Variants in SUGCT observed in about 807,000 individuals in gnomAD.
The protein encoded by SUGCT is succinyl-CoA:glutarate CoA-transferase.
Under a neutral mutation model 55.0 loss-of-function variants are expected in SUGCT, and 41 were observed. The observed-to-expected ratio is 0.74, with a 90% CI of 0.58 to 0.97. The LOEUF is 0.97. Among genes scored for constraint, SUGCT ranks in the 50% least tolerant of loss-of-function variants. The pLI is 0.00. For synonymous variants in SUGCT, 187 were observed against 200.4 expected, an observed-to-expected ratio of 0.93 and a Z score of 0.56; for missense variants, 568 against 547.8, an observed-to-expected ratio of 1.04 and a Z score of -0.37.
intron 7 of SUGCT, among the ~76,000 whole-genome samples, chr7:40,247,869 TTTTA>T (rs1275272191): frequency 6.7e-5 from 10 of 149,046 alleles, no homozygotes; most frequent in African/African-American, 1.7e-4. Context: ...TAGTTTTAAG[TTTTA>T]TTTAAGTCAA....
At chr7:40,547,226 T>C (rs1208433098) in intron 12 of SUGCT, among the ~76,000 whole-genome samples, 1 of 152,156 alleles carries the variant, frequency 6.6e-6, no homozygotes, top group Non-Finnish European at 1.5e-5. Context: ...AGTTCCCTCG[T>C]AGCCTTTTTG....
intron 9 of SUGCT, among the ~76,000 whole-genome samples, chr7:40,390,724 A>T (rs1785379795): frequency 6.6e-6 from 1 of 152,192 alleles, no homozygotes; most frequent in African/African-American, 2.4e-5. Context: ...TAATTTACAG[A>T]TTCAATGCCA....
At chr7:41,000,511 G>A in the SUGCT span, among the ~76,000 whole-genome samples, 1 of 150,846 alleles carries the variant, frequency 6.6e-6, no homozygotes, top group Non-Finnish European at 1.5e-5. Context: ...GGAATTTGGT[G>A]GAAAGATACT....
At chr7:40,954,570 G>C in the SUGCT span, among the ~76,000 whole-genome samples, 3 of 152,166 alleles carry the variant, frequency 2.0e-5, no homozygotes, top group African/African-American at 2.4e-5. Context: ...GACTGGAGCT[G>C]TTCCTATTTG....
chr7:40,326,874 A>C (rs1444389476), intron 9 of SUGCT, among the ~76,000 whole-genome samples: 1 of 152,210 alleles, frequency 6.6e-6, no homozygotes, highest in Non-Finnish European at 1.5e-5. Context: ...AAGAGCAAAA[A>C]ATTGTGGAGA....
the SUGCT span, among the ~76,000 whole-genome samples, chr7:40,899,991 G>A: frequency 1.6e-4 from 24 of 152,268 alleles, no homozygotes; most frequent in East Asian, 3.9e-4. Flanking sequence ...TAGTGGGTGG[G>A]CCCTGGCCCT....
intron 13 of SUGCT, among the ~76,000 whole-genome samples, chr7:40,772,844 C>T (rs1417734926): frequency 2.0e-5 from 3 of 151,920 alleles, no homozygotes; most frequent in Admixed American, 6.6e-5. Flanking sequence ...AGGCTGGTCT[C>T]GAACTCCTGG....
intron 13 of SUGCT, among the ~76,000 whole-genome samples, chr7:40,757,714 T>C (rs1287419045): frequency 1.3e-5 from 2 of 152,130 alleles, no homozygotes; most frequent in Admixed American, 6.6e-5. Flanking sequence ...GAGTGGACCA[T>C]TGAATGTTAA....
At chr7:40,827,339 G>A (rs1330537185) in intron 13 of SUGCT, among the ~76,000 whole-genome samples, 4 of 152,130 alleles carry the variant, frequency 2.6e-5, no homozygotes, top group African/African-American at 9.7e-5. Flanking sequence ...CTGGAATCGG[G>A]CACCTGCTGC....
downstream of SUGCT, among the ~76,000 whole-genome samples, chr7:40,863,251 A>T (rs1441966435): frequency 6.6e-6 from 1 of 152,104 alleles, no homozygotes; most frequent in Non-Finnish European, 1.5e-5. Context: ...AGAGGATTTT[A>T]TACAGGCTAG....
Position 40,189,537 on chromosome 7 carries a change from T to G in SUGCT, c.313-7T>G. The stretch of plus-strand genomic sequence containing the variant: ...TAATATATATATATATATTTTTTAA[T>G]TTTTAGAGTATTGCTGTTAATATCA... On this transcript the variant is annotated splice_region_variant and splice_polypyrimidine_tract_variant and intron_variant, in intron 4 of 13. Coordinates refer to ENST00000335693, the MANE Select transcript of SUGCT (RefSeq NM_001193313.2). 8.8e-7 allele frequency: 1 copy of G among 1,140,330 alleles called. No homozygotes were observed. The highest frequency in any genetic ancestry group is 1.1e-6 in the Non-Finnish European group (1 of 871,060). 70.6% of individuals were successfully genotyped at this position (1,140,330 alleles called of 1,614,324 possible).
intron 9 of SUGCT, among the ~76,000 whole-genome samples, chr7:40,424,037 A>G (rs1163803064): frequency 5.3e-5 from 8 of 152,166 alleles, no homozygotes; most frequent in Admixed American, 5.2e-4. Flanking sequence ...AGGATCTTAA[A>G]GTGGTCAATC....
chr7:40,454,745 A>G (rs1181574741), intron 10 of SUGCT, among the ~76,000 whole-genome samples: 1 of 152,184 alleles, frequency 6.6e-6, no homozygotes, highest in East Asian at 1.9e-4. Flanking sequence ...GCCAACCTAG[A>G]TTTCAATATC....
chr7:40,494,147 T>C (rs1055488124), intron 11 of SUGCT, among the ~76,000 whole-genome samples: 4 of 152,216 alleles, frequency 2.6e-5, no homozygotes, highest in African/African-American at 9.6e-5. Flanking sequence ...CCTGCAGCCA[T>C]GGGTTGTTTG....
Position 40,333,303 on chromosome 7 carries a change from C to T in SUGCT, c.816+16448C>T, listed in dbSNP as rs547941159. 4.6e-5 allele frequency among the ~76,000 whole-genome samples: 7 copies of T among 151,986 alleles called. No individual in the cohort carries two copies. In the South Asian group the frequency reaches 1.5e-3, roughly 32 times the overall value. On this transcript the variant is annotated intron_variant, in intron 9 of 13. Transcript: ENST00000335693. ...AAATAATGCTGGACAAATATATTCTCTGTGAATGAGGAAACACATGGTCAG... is the reference window on the plus strand; with the variant it reads ...AAATAATGCTGGACAAATATATTCTTTGTGAATGAGGAAACACATGGTCAG...
At chr7:40,182,977 A>C (rs1785300999) in intron 3 of SUGCT, among the ~76,000 whole-genome samples, 1 of 152,180 alleles carries the variant, frequency 6.6e-6, no homozygotes, top group Admixed American at 6.5e-5. Context: ...ACAGTCCCTC[A>C]AAAAACAACC....
chr7:40,674,044 A>T (rs1429631587), intron 12 of SUGCT, among the ~76,000 whole-genome samples: 1 of 152,240 alleles, frequency 6.6e-6, no homozygotes, highest in African/African-American at 2.4e-5. Context: ...TGTTAAAATG[A>T]GGATTGATCC....
At chr7:41,037,204 T>C in the SUGCT span, among the ~76,000 whole-genome samples, 1 of 152,172 alleles carries the variant, frequency 6.6e-6, no homozygotes, top group Non-Finnish European at 1.5e-5. Context: ...CAAGGGCATT[T>C]GTCTCCATTA....
chr7:40,236,176 G>C (rs1788997234), intron 6 of SUGCT, among the ~76,000 whole-genome samples: 1 of 151,964 alleles, frequency 6.6e-6, no homozygotes, highest in African/African-American at 2.4e-5. Flanking sequence ...TCCTGCCTCA[G>C]CCTCCCCAGT....
Sources: allele counts gnomAD v4.1 joint callset (sites outside exome capture counted in the v4.1 genomes callset), GRCh38; gene constraint gnomAD v4.1.1; transcripts MANE v1.5; gene names NCBI Gene and HGNC (gene_info 2026-07-23, HGNC 2026-07-21).